Variants in RORB observed in about 807,000 individuals in gnomAD.
The protein encoded by RORB is RAR related orphan receptor B.
A neutral mutation model predicts 59.1 loss-of-function variants in RORB; 6 were observed. The observed-to-expected ratio is 0.10, with a 90% CI of 0.06 to 0.20. The LOEUF is 0.20. Among genes scored for constraint, RORB ranks in the 10% least tolerant of loss-of-function variants. The pLI is 1.00. For synonymous variants in RORB, 215 were observed against 204.5 expected (o/e 1.05, Z -0.44); for missense variants, 320 against 560.5 (o/e 0.57, Z 4.33).
chr9:74,523,992 A>G (rs143990838), intron 1 of RORB, among the ~76,000 whole-genome samples: 4 of 142,392 alleles, frequency 2.8e-5, no homozygotes, highest in Non-Finnish European at 6.0e-5. Context: ...TATTCACTGA[A>G]TCAACGACAC....
At chr9:74,573,635 G>A (rs1822586873) in intron 1 of RORB, among the ~76,000 whole-genome samples, 1 of 152,030 alleles carries the variant, frequency 6.6e-6, no homozygotes, top group Admixed American at 6.6e-5. Context: ...AAAGCACTTG[G>A]CCAGAAATCT....
intron 1 of RORB, among the ~76,000 whole-genome samples, chr9:74,515,660 T>C (rs1285041081): frequency 6.6e-6 from 1 of 152,058 alleles, no homozygotes; most frequent in East Asian, 1.9e-4. Flanking sequence ...AAACCCACCA[T>C]TCCAAAATGC....
At chr9:74,597,032 C>G (rs1479501284) in intron 1 of RORB, among the ~76,000 whole-genome samples, 1 of 152,170 alleles carries the variant, frequency 6.6e-6, no homozygotes, top group Non-Finnish European at 1.5e-5. Context: ...CTTTTTTAGA[C>G]CTACAGCAGT....
Position 74,537,222 on chromosome 9 carries a change from A to C in RORB, c.7+39239A>C, listed in dbSNP as rs144323436. ...TTACCTCTTCCCCGTGGTTCCTGGC[A>C]TGAAAATCTGTTTTTGCTTGGGAAC... On this transcript the variant is annotated intron_variant, in intron 1 of 9. Transcript: ENST00000376896. 5.7e-3 allele frequency among the ~76,000 whole-genome samples: 874 copies of C among 152,210 alleles called. 16 individuals carry two copies. The highest frequency in any genetic ancestry group is 4.4e-3 in the Non-Finnish European group (298 of 67,960).
chr9:74,646,834 AC>A (rs1161967622), intron 4 of RORB, among the ~76,000 whole-genome samples: 1 of 152,178 alleles, frequency 6.6e-6, no homozygotes, highest in Admixed American at 6.5e-5. Flanking sequence ...ATAAATAGTC[AC>A]GACAATTCAC....
intron 9 of RORB, among the ~76,000 whole-genome samples, chr9:74,682,387 A>T (rs1824561670): frequency 6.6e-6 from 1 of 151,988 alleles, no homozygotes; most frequent in Non-Finnish European, 1.5e-5. Flanking sequence ...TACATATGTA[A>T]CTAACCTGCA....
At chr9:74,555,888 G>T (rs1000289829) in intron 1 of RORB, among the ~76,000 whole-genome samples, 4 of 152,212 alleles carry the variant, frequency 2.6e-5, no homozygotes, top group Non-Finnish European at 1.5e-5. Context: ...ATTTCTCAGA[G>T]AAGTCACTTC....
intron 1 of RORB, among the ~76,000 whole-genome samples, chr9:74,566,972 T>C (rs1290829826): frequency 6.6e-6 from 1 of 152,162 alleles, no homozygotes; most frequent in African/African-American, 2.4e-5. Context: ...CTGTGGGTTT[T>C]GGTTTTCCAA....
Position 74,692,052 on chromosome 9 carries a change from C to T in RORB, c.*6434C>T, listed in dbSNP as rs1234330545. The T allele has an allele frequency of 1.3e-5, 2 of 152,182 alleles. No individual in the cohort carries two copies. The highest frequency in any genetic ancestry group is 2.4e-5 in the African/African-American group (1 of 41,430). 9.4% of individuals were successfully genotyped at this position (152,182 alleles called of 1,614,324 possible). On this transcript the variant is annotated 3_prime_UTR_variant, in exon 10 of 10. Transcript: ENST00000376896. ...GGAATAGCTTAAGGAAAACAAACTC[C>T]GCTTTCTGATGAACAAGATATTTTT...
At chr9:74,529,039 A>C (rs1030966190) in intron 1 of RORB, among the ~76,000 whole-genome samples, 3 of 152,052 alleles carry the variant, frequency 2.0e-5, no homozygotes, top group Non-Finnish European at 4.4e-5. Context: ...TTTAAGGAGA[A>C]GTGCTCTATT....
intron 1 of RORB, among the ~76,000 whole-genome samples, chr9:74,534,213 G>C (rs141073236): frequency 7.2e-5 from 11 of 152,078 alleles, no homozygotes; most frequent in Admixed American, 1.3e-4. Context: ...GAGCTAAGAG[G>C]GTTCTGAGAA....
intron 1 of RORB, among the ~76,000 whole-genome samples, chr9:74,551,475 C>A (rs1279599328): frequency 6.6e-6 from 1 of 152,204 alleles, no homozygotes; most frequent in Non-Finnish European, 1.5e-5. Context: ...AGAGATGATT[C>A]ATGTCCCAGA....
intron 4 of RORB, among the ~76,000 whole-genome samples, chr9:74,649,409 T>A (rs944631105): frequency 2.0e-5 from 3 of 152,156 alleles, no homozygotes; most frequent in African/African-American, 7.2e-5. Context: ...TTGCTTTCTA[T>A]CTCAAAAAGG....
intron 1 of RORB, among the ~76,000 whole-genome samples, chr9:74,552,603 A>G (rs556893942): frequency 1.3e-5 from 2 of 152,218 alleles, no homozygotes; most frequent in African/African-American, 4.8e-5. Flanking sequence ...TCATGTTTCT[A>G]TACTGAGCAA....
At chr9:74,521,239 A>G (rs1284951476) in intron 1 of RORB, among the ~76,000 whole-genome samples, 2 of 151,894 alleles carry the variant, frequency 1.3e-5, no homozygotes, top group Non-Finnish European at 2.9e-5. Context: ...AGCTGTAACA[A>G]CAACAGTATC....
chr9:74,636,139 C>A (rs1296129613), intron 3 of RORB, among the ~76,000 whole-genome samples: 2 of 151,930 alleles, frequency 1.3e-5, no homozygotes, highest in Non-Finnish European at 2.9e-5. Flanking sequence ...ATGGGTACTT[C>A]TGTATAATCA....
At chr9:74,654,333 GGAGAGA>G (rs60137307) in intron 4 of RORB, among the ~76,000 whole-genome samples, 18,903 of 138,558 alleles carry the variant, frequency 0.14, 1,242 homozygotes, top group Non-Finnish European at 0.16. Flanking sequence ...CAGTCTCAGG[GGAGAGA>G]GAGAGAGAGA....
intron 1 of RORB, among the ~76,000 whole-genome samples, chr9:74,511,923 G>C (rs1825945251): frequency 6.6e-6 from 1 of 151,208 alleles, no homozygotes; most frequent in Non-Finnish European, 1.5e-5. Context: ...CTTAGAGTCT[G>C]GTCTTTTTGA....
chr9:74,585,433 G>A lies in RORB; in HGVS notation c.8-44849G>A, dbSNP rs138489939. Among the ~76,000 whole-genome samples the A allele has an allele frequency of 1.3e-3, 204 of 152,322 alleles. 2 individuals are homozygous for A. The highest frequency in any genetic ancestry group is 2.3e-3 in the Non-Finnish European group (156 of 68,020). On this transcript the variant is annotated intron_variant, in intron 1 of 9. Coordinates refer to ENST00000376896, the MANE Select transcript of RORB (RefSeq NM_006914.4). The stretch of plus-strand genomic sequence containing the variant: ...CCCCACACTTTTATTTTCTTTTAAT[G>A]TAAGCAGGTGTCTGCTATCAGATTT...
Sources: allele counts gnomAD v4.1 joint callset (sites outside exome capture counted in the v4.1 genomes callset), GRCh38; gene constraint gnomAD v4.1.1; transcripts MANE v1.5; gene names NCBI Gene and HGNC (gene_info 2026-07-23, HGNC 2026-07-21).